The following FBXW10 variants were observed in gnomAD, a reference collection of about 807,000 sequenced individuals.
The protein encoded by FBXW10 is F-box and WD repeat domain containing 10, also known as F-box/WD repeat-containing protein 10.
FBXW10 carries 68 observed loss-of-function variants against 113.1 expected under a neutral mutation model. That is an observed-to-expected ratio of 0.60 (90% confidence interval 0.49 to 0.74). FBXW10 has a LOEUF of 0.74. FBXW10 is among the 30% of genes least tolerant of loss of function. The pLI is 0.00. For missense variants in FBXW10, 753 were observed against 1,284.5 expected (o/e 0.59, Z 6.32); for synonymous variants, 289 against 481.6 (o/e 0.60, Z 5.24).
chr17:18,764,985 A>G, intron 8 of FBXW10, 122 bp downstream of exon 8: 2 of 1,596,400 alleles, frequency 1.3e-6, no homozygotes, highest in South Asian at 2.2e-5. Flanking sequence ...CCATCCATCC[A>G]TCCACCCACC....
chr17:18,764,829 G>T lies in FBXW10; in HGVS notation c.1521G>T (p.Arg507Ser). 1 of 1,613,942 alleles carries T rather than the reference G, an allele frequency of 6.2e-7. No homozygotes were observed. Among genetic ancestry groups the T allele is most frequent in the East Asian group, 2.2e-5 (1 of 44,884 alleles). The change falls in exon 8 of 14, where the codon AGG becomes AGT. Residue 507 changes from arginine to serine, a missense_variant. Physicochemically the swap from Arg to Ser is moderately radical, Grantham distance 110 (BLOSUM62 -1). Transcript: ENST00000395665. ...TITCMDLCKNRLVSGGRDCQV... is the reference protein window; with the variant it reads ...TITCMDLCKNSLVSGGRDCQV... Reference sequence around the variant, plus strand: ...CTTGCATGGACTTGTGTAAGAACAGGCTCGTATCTGGAGGAAGAGATTGCC... The same window carrying T: ...CTTGCATGGACTTGTGTAAGAACAGTCTCGTATCTGGAGGAAGAGATTGCC...
chr17:18,753,175 A>C (rs1417889827), intron 5 of FBXW10, among the ~76,000 whole-genome samples: 1 of 152,252 alleles, frequency 6.6e-6, no homozygotes, highest in East Asian at 1.9e-4. Flanking sequence ...TCTAGGGCAC[A>C]GAGGGAAGTG....
intron 13 of FBXW10, among the ~76,000 whole-genome samples, chr17:18,776,629 TAGA>T (rs1032844024): frequency 6.6e-6 from 1 of 152,226 alleles, no homozygotes; most frequent in African/African-American, 2.4e-5. Flanking sequence ...ATTCAAAAAC[TAGA>T]AAGATATTGC....
At chr17:18,777,062 GTT>G (rs368455869) in intron 13 of FBXW10, among the ~76,000 whole-genome samples, 13 of 131,620 alleles carry the variant, frequency 9.9e-5, no homozygotes, top group Admixed American at 6.3e-4. Context: ...ATTTCACTCA[GTT>G]TTTTTTTTTT....
In FBXW10 at chr17:18,772,353, T is replaced by G. The variant is rs565648885; in HGVS notation, c.2007-59T>G. The stretch of plus-strand genomic sequence containing the variant: ...AGACCAGGTGGGATGGTAACTGCAG[T>G]GCATCTTTCGGTGGCCTCCACAGTC... On this transcript the variant is annotated intron_variant, in intron 11 of 13. Coordinates refer to ENST00000395665, the MANE Select transcript of FBXW10 (RefSeq NM_001267585.2). 55 of 1,524,038 alleles carry G rather than the reference T, an allele frequency of 3.6e-5. 1 individual carries two copies. In the South Asian group the frequency reaches 6.2e-4, roughly 17 times the overall value. 94.4% of individuals were successfully genotyped at this position (1,524,038 alleles called of 1,614,324 possible). A position where few individuals can be genotyped will look rare whatever the true frequency, so the allele number is the denominator to read the frequency against.
At chr17:18,769,307 G>T (rs184018551) in intron 10 of FBXW10, among the ~76,000 whole-genome samples, 68 of 152,154 alleles carry the variant, frequency 4.5e-4, no homozygotes, top group Non-Finnish European at 6.2e-4. Flanking sequence ...TAAACGCTAG[G>T]AATCAAATTG....
intron 1 of FBXW10, among the ~76,000 whole-genome samples, chr17:18,747,207 T>C (rs1166712110): frequency 2.0e-5 from 3 of 152,166 alleles, no homozygotes; most frequent in Non-Finnish European, 2.9e-5. Flanking sequence ...ATTACAGGCA[T>C]GAACCATCAC....
intron 5 of FBXW10, 40 bp from the exon 6 acceptor site, chr17:18,756,005 A>G (rs781343720): frequency 6.3e-6 from 10 of 1,590,234 alleles, no homozygotes; most frequent in Non-Finnish European, 1.7e-6. Context: ...GGGTATTTGA[A>G]GTTACCACTG....
chr17:18,748,323 AG>A (rs1351388214), intron 2 of FBXW10, among the ~76,000 whole-genome samples: 7 of 150,060 alleles, frequency 4.7e-5, no homozygotes, highest in African/African-American at 1.7e-4. Context: ...AGGCAGCAGA[AG>A]GGCGTGAAGC....
Position 18,778,908 on chromosome 17 carries a change from G to C in FBXW10, c.2769G>C (p.Lys923Asn), listed in dbSNP as rs1433440736. Residue 923 changes from lysine to asparagine, a missense_variant, in exon 14 of 14, where the codon AAG (lysine) becomes AAC (asparagine). Physicochemically the swap from Lys to Asn is moderately conservative, Grantham distance 94. Transcript: ENST00000395665. ...IIRSRFSGSL[K>N]GGDQVTSSIE... ...GCTCCAGGTTCTCTGGCAGCTTAAA[G>C]GGTGGAGACCAAGTGACCAGTTCAA... is the stretch of plus-strand genomic sequence containing the variant. 1 of 1,613,702 alleles carries C rather than the reference G, an allele frequency of 6.2e-7. No homozygotes were observed. Among genetic ancestry groups the C allele is most frequent in the East Asian group, 2.2e-5 (1 of 44,888 alleles).
At chr17:18,769,736 C>T (rs1224034208) in intron 10 of FBXW10, 191 bp from the exon 11 acceptor site, 13 of 616,996 alleles carry the variant, frequency 2.1e-5, no homozygotes, top group East Asian at 1.7e-4. Context: ...AAGATCGCAC[C>T]GTTGCACTCC....
At chr17:18,747,655 G>A (rs1038028760) in intron 1 of FBXW10, among the ~76,000 whole-genome samples, 1 of 152,048 alleles carries the variant, frequency 6.6e-6, no homozygotes. Flanking sequence ...TTGAGCTTCC[G>A]AAGAGCATTC....
intron 1 of FBXW10, chr17:18,745,059 C>T (rs2035013964): frequency 7.8e-7 from 1 of 1,279,844 alleles, no homozygotes; most frequent in South Asian, 1.7e-5. Flanking sequence ...TGCCCCTGAC[C>T]CCTTAATGCT....
In FBXW10 at chr17:18,766,986, G is replaced by A. The variant is rs2035510136; in HGVS notation, c.1704+124G>A. ...TATGACCTTCAAGAAGGACAGTCCT[G>A]AAGCTCTAAAGGGGAAGGCCCCAAA... On this transcript the variant is annotated intron_variant, in intron 9 of 13. Coordinates refer to ENST00000395665, the MANE Select transcript of FBXW10 (RefSeq NM_001267585.2). 7.8e-6 allele frequency: 9 copies of A among 1,148,988 alleles called. No individual in the cohort carries two copies. The East Asian group carries it at 1.4e-4, about 18-fold the overall frequency. The allele number at this position is 1,148,988 out of a possible 1,614,324, so 71.2% of individuals were successfully genotyped here. A position where few individuals can be genotyped will look rare whatever the true frequency, so the allele number is the denominator to read the frequency against.
chr17:18,772,833 A>G (rs933310740), intron 12 of FBXW10, 150 bp downstream of exon 12: 4 of 656,280 alleles, frequency 6.1e-6, no homozygotes, highest in Non-Finnish European at 5.3e-6. Context: ...CCCTCCAGGA[A>G]GGTAGGAGCC....
chr17:18,748,717 A>C (rs575925142), intron 2 of FBXW10, among the ~76,000 whole-genome samples: 1 of 152,312 alleles, frequency 6.6e-6, no homozygotes, highest in South Asian at 2.1e-4. Context: ...GGAAACTATC[A>C]ATGATTTCCT....
chr17:18,748,123 A>C lies in FBXW10; in HGVS notation c.670+18A>C. The C allele has an allele frequency of 6.2e-7, 1 of 1,613,764 alleles. No individual in the cohort carries two copies. The highest frequency in any genetic ancestry group is 1.3e-5 in the African/African-American group (1 of 75,044). On this transcript the variant is annotated intron_variant, in intron 2 of 13. Coordinates refer to ENST00000395665, the MANE Select transcript of FBXW10 (RefSeq NM_001267585.2). The stretch of plus-strand genomic sequence containing the variant: ...TAACCCTGGTAAGTGAACTTTCAGC[A>C]AGAAAGCCAATATGGGCTAGGTGCG...
chr17:18,748,902 G>A (rs969194900), intron 2 of FBXW10, among the ~76,000 whole-genome samples: 8 of 152,218 alleles, frequency 5.3e-5, no homozygotes, highest in Non-Finnish European at 1.0e-4. Context: ...GCACTCCAAA[G>A]TTGGGAACTG....
At chr17:18,755,092 G>A (rs542214482) in intron 5 of FBXW10, among the ~76,000 whole-genome samples, 17 of 151,780 alleles carry the variant, frequency 1.1e-4, no homozygotes, top group South Asian at 6.3e-4. Flanking sequence ...GTGAAACTCC[G>A]TCGCTGCTAA....
Sources: gnomAD v4.1 joint callset for allele counts (sites outside exome capture counted in the v4.1 genomes callset) on GRCh38, gnomAD v4.1.1 for gene constraint, MANE v1.5 for transcripts, NCBI Gene and HGNC (gene_info 2026-07-23, HGNC 2026-07-21) for gene names.